The following LRRK2 variants were observed in gnomAD, a reference collection of about 807,000 sequenced individuals.
LRRK2 encodes the protein leucine rich repeat kinase 2.
A neutral mutation model predicts 302.6 loss-of-function variants in LRRK2; 203 were observed. The observed-to-expected ratio is 0.67, with a 90% CI of 0.60 to 0.75. The LOEUF (loss-of-function observed/expected upper bound fraction) is 0.75. LRRK2 is among the 30% of genes least tolerant of loss of function. LRRK2 has a pLI of 0.00. For synonymous variants in LRRK2, 1,066 were observed against 1,031.9 expected (o/e 1.03, Z -0.63); for missense variants, 2,830 against 2,951.0 (o/e 0.96, Z 0.95).
chr12:40,273,120 C>T (rs1943305103), intron 14 of LRRK2, among the ~76,000 whole-genome samples: 1 of 152,128 alleles, frequency 6.6e-6, no homozygotes, highest in African/African-American at 2.4e-5. Context: ...AGACACACAC[C>T]AAACCAGCCT....
Position 40,323,228 on chromosome 12 carries a change from A to G in LRRK2, c.5578A>G (p.Ile1860Val), listed in dbSNP as rs1044177182. 2 of 1,613,324 alleles carry G rather than the reference A, an allele frequency of 1.2e-6. No individual in the cohort carries two copies. Among genetic ancestry groups the G allele is most frequent in the Non-Finnish European group, 1.7e-6 (2 of 1,179,558 alleles). The change falls in exon 38 of 51, where the codon ATT (isoleucine) becomes GTT (valine). Residue 1860 changes from isoleucine to valine, a missense_variant. Physicochemically the swap from Ile to Val is conservative, Grantham distance 29 (BLOSUM62 3). Transcript: ENST00000298910. ...IPISQIAPDL[I>V]LADLPRNIML... ...AATATCTCAGATTGCCCCTGACTTGATTTTGGCTGACCTGCCTAGAAATAT... is the reference window on the plus strand; with the variant it reads ...AATATCTCAGATTGCCCCTGACTTGGTTTTGGCTGACCTGCCTAGAAATAT...
intron 23 of LRRK2, 131 bp from the exon 24 acceptor site, chr12:40,298,112 T>A: frequency 1.1e-6 from 1 of 869,764 alleles, no homozygotes; most frequent in South Asian, 1.6e-5. Context: ...AATTCTGTTG[T>A]GGATTGTGTT....
intron 45 of LRRK2, among the ~76,000 whole-genome samples, chr12:40,355,547 C>CT (rs112905910): frequency 0.018 from 1,609 of 87,350 alleles, 47 homozygotes; most frequent in African/African-American, 0.066. Context: ...CTTCCTTCTT[C>CT]TTTTTTTTTT....
chr12:40,316,486 G>A, intron 33 of LRRK2: 1 of 299,336 alleles, frequency 3.3e-6, no homozygotes, highest in Non-Finnish European at 4.9e-6. Flanking sequence ...AAATGATAAT[G>A]GAGACAGTAG....
At chr12:40,257,479 A>G (rs1942571746) in intron 12 of LRRK2, 102 bp downstream of exon 12, 1 of 1,408,268 alleles carries the variant, frequency 7.1e-7, no homozygotes, top group Non-Finnish European at 9.9e-7. Flanking sequence ...AAAGAAAAAC[A>G]TAAGACACTT....
chr12:40,334,825 A>AT (rs1250788379), intron 39 of LRRK2, 142 bp from the exon 40 acceptor site: 8 of 971,724 alleles, frequency 8.2e-6, no homozygotes, highest in South Asian at 4.2e-5. Context: ...GGGAAAAAAA[A>AT]CTCAGAGAAG....
Position 40,303,954 on chromosome 12 carries a change from G to T in LRRK2, c.3597G>T (p.Arg1199=). The T allele has an allele frequency of 6.2e-7, 1 of 1,613,620 alleles. No individual in the cohort carries two copies. Among genetic ancestry groups the T allele is most frequent in the Non-Finnish European group, 8.5e-7 (1 of 1,179,688 alleles). Residue 1199 remains arginine (R), a synonymous_variant, in exon 27 of 51, where the codon CGG becomes CGT. Transcript: ENST00000298910. ...TTTCTGTGTATTGTTTTAGCTTGCG[G>T]TCTTTAGATATGAGCAGCAATGATA... is the stretch of plus-strand genomic sequence containing the variant. ...PEAILNLPHL[R]SLDMSSNDIQ... is the part of the protein sequence containing the mutation.
At chr12:40,239,565 A>G (rs183420932) in intron 5 of LRRK2, among the ~76,000 whole-genome samples, 8 of 152,194 alleles carry the variant, frequency 5.3e-5, no homozygotes, top group African/African-American at 9.6e-5. Flanking sequence ...TAGAAAAACC[A>G]TCAGTGCTGA....
At chr12:40,338,481 T>C in intron 40 of LRRK2, among the ~76,000 whole-genome samples, 1 of 152,224 alleles carries the variant, frequency 6.6e-6, no homozygotes, top group Non-Finnish European at 1.5e-5. Context: ...ATAAACCAGT[T>C]TGTTTTAATA....
chr12:40,284,260 G>A (rs915570117), intron 19 of LRRK2, 127 bp downstream of exon 19: 4 of 726,928 alleles, frequency 5.5e-6, no homozygotes, highest in Non-Finnish European at 7.9e-6. Context: ...CAAAGGTTTG[G>A]ATTTTTTTTT....
chr12:40,225,299 A>C lies in LRRK2; in HGVS notation c.151+17A>C. ...CCGAGCGCGGTAATCACTTGAAAAT[A>C]AACTGTGCTTTTATTTTTGCAAACT... is the stretch of plus-strand genomic sequence containing the variant. On this transcript the variant is annotated intron_variant, in intron 1 of 50. Transcript: ENST00000298910. The C allele has an allele frequency of 6.2e-7, 1 of 1,613,762 alleles. No homozygotes were observed. Among genetic ancestry groups the C allele is most frequent in the Non-Finnish European group, 8.5e-7 (1 of 1,179,824 alleles).
Position 40,315,240 on chromosome 12 carries a change from A to G in LRRK2, c.4767A>G (p.Ala1589=). The change falls in exon 33 of 51, where the codon GCA becomes GCG. Residue 1589 remains alanine, a synonymous_variant. Coordinates refer to ENST00000298910, the MANE Select transcript of LRRK2 (RefSeq NM_198578.4). ...SGVLLHFQDP[A]LQLSDLYFVE... is the part of the protein sequence containing the mutation. Reference sequence around the variant, plus strand: ...TCCTTCTTCATTTTCAAGACCCAGCACTGCAGTTAAGTGACTTGTACTTTG... The same window carrying G: ...TCCTTCTTCATTTTCAAGACCCAGCGCTGCAGTTAAGTGACTTGTACTTTG... 6.2e-7 allele frequency: 1 copy of G among 1,612,552 alleles called. No individual in the cohort carries two copies. The highest frequency in any genetic ancestry group is 8.5e-7 in the Non-Finnish European group (1 of 1,178,842).
chr12:40,238,154 A>G (rs1282319375), intron 5 of LRRK2, 51 bp downstream of exon 5: 8 of 1,559,454 alleles, frequency 5.1e-6, no homozygotes, highest in Non-Finnish European at 7.0e-6. Flanking sequence ...AAAAAGGCTT[A>G]TACTGGGAAA....
chr12:40,245,338 T>C (rs1033821220), intron 7 of LRRK2, among the ~76,000 whole-genome samples: 3 of 152,164 alleles, frequency 2.0e-5, no homozygotes, highest in African/African-American at 4.8e-5. Context: ...GGTATATAAA[T>C]ATGTAAACAT....
intron 7 of LRRK2, among the ~76,000 whole-genome samples, chr12:40,248,651 A>G (rs1170377056): frequency 6.6e-6 from 1 of 152,212 alleles, no homozygotes; most frequent in Non-Finnish European, 1.5e-5. Flanking sequence ...TATGTAATCT[A>G]ATTATGGGCT....
chr12:40,300,928 C>A (rs73268092), intron 25 of LRRK2: 282 of 471,000 alleles, frequency 6.0e-4, no homozygotes, highest in African/African-American at 5.2e-3. Flanking sequence ...TCCAAAAGGA[C>A]CTTGAAGCTT....
At chr12:40,247,634 ATATT>A (rs1942057812) in intron 7 of LRRK2, among the ~76,000 whole-genome samples, 1 of 90,372 alleles carries the variant, frequency 1.1e-5, no homozygotes, top group African/African-American at 3.4e-5. Flanking sequence ...ATAAATATAC[ATATT>A]TATACACAGA....
intron 49 of LRRK2, chr12:40,365,542 T>C (rs1308036077): frequency 8.9e-6 from 1 of 112,126 alleles, no homozygotes; most frequent in African/African-American, 3.1e-5. Context: ...TTTTTTTGCT[T>C]CTATTTTTAT....
In LRRK2 at chr12:40,320,042, C is replaced by T. The variant is rs542505115; in HGVS notation, c.4882C>T (p.Arg1628Cys). Residue 1628 changes from arginine to cysteine, a missense_variant, in exon 34 of 51, where the codon CGT (arginine) becomes TGT (cysteine). By Grantham distance (180) the Arg-to-Cys change is radical. Transcript: ENST00000298910. ...AAAACACCCTAAGGGCATTATTTCG[C>T]GTAGAGATGTGGAAAAATTTCTTTC... ...CPKHPKGIIS[R>C]RDVEKFLSKK... 3.7e-5 allele frequency: 59 copies of T among 1,611,562 alleles called. 1 individual carries two copies. The South Asian group carries it at 5.8e-4, about 16-fold the overall frequency.
Sources: gnomAD v4.1 joint callset for allele counts (sites outside exome capture counted in the v4.1 genomes callset) on GRCh38, gnomAD v4.1.1 for gene constraint, MANE v1.5 for transcripts, NCBI Gene and HGNC (gene_info 2026-07-23, HGNC 2026-07-21) for gene names.